MBD1: variants seen among roughly 807,000 people sequenced by gnomAD.
MBD1 encodes the protein methyl-CpG binding domain protein 1.
In MBD1, 25 loss-of-function variants were observed where a neutral mutation model predicts 82.6. The observed-to-expected ratio is 0.30, with a 90% confidence interval of 0.22 to 0.42. MBD1 has a LOEUF of 0.42. Ranked by LOEUF, MBD1 falls within the 10% of genes least tolerant of loss-of-function variation. The probability of loss-of-function intolerance (pLI) is 1.00; values close to 1 mark genes in which losing one functional copy is unlikely to be tolerated. For missense variants in MBD1, 627 were observed against 819.6 expected, an observed-to-expected ratio of 0.76 and a Z score of 2.87; for synonymous variants, 301 against 303.7, an observed-to-expected ratio of 0.99 and a Z score of 0.09.
Position 50,279,864 on chromosome 18 carries a change from C to G in MBD1, c.110+19G>C. Reference sequence around the variant, plus strand: ...AGGCTCTACCCCACTCCTGACTCTGCCCACTACCCACCCAGTACCTCTGGT... The same window carrying G: ...AGGCTCTACCCCACTCCTGACTCTGGCCACTACCCACCCAGTACCTCTGGT... On this transcript the variant is annotated intron_variant, in intron 2 of 16. Coordinates refer to ENST00000269468, the MANE Select transcript of MBD1 (RefSeq NM_015846.4). 6.2e-7 allele frequency: 1 copy of G among 1,613,766 alleles called. No individual in the cohort carries two copies. The highest frequency in any genetic ancestry group is 2.2e-5 in the East Asian group (1 of 44,880).
chr18:50,279,951 G>T lies in MBD1; in HGVS notation c.42C>A (p.Gly14=). Residue 14 remains glycine, a synonymous_variant, in exon 2 of 17, where the codon GGC becomes GGA. Transcript: ENST00000269468. Reference sequence around the variant, plus strand: ...TGCGAAAGACTTCGCGGCGCTTCCAGCCAGGGCCCAGGGCCGGGCAGTCCA... The same window carrying T: ...TGCGAAAGACTTCGCGGCGCTTCCATCCAGGGCCCAGGGCCGGGCAGTCCA... ...DWLDCPALGP[G]WKRREVFRKS... The T allele has an allele frequency of 6.2e-7, 1 of 1,612,624 alleles. No homozygotes were observed.
At chr18:50,280,084 C>G (rs2039627335) in intron 1 of MBD1, 67 bp from the exon 2 acceptor site, 1 of 1,463,198 alleles carries the variant, frequency 6.8e-7, no homozygotes, top group Non-Finnish European at 9.2e-7. Context: ...TGCCCCAGGC[C>G]ACACAAATCA....
At chr18:50,281,524 G>A, upstream of MBD1, 4 of 577,426 alleles carry the variant, frequency 6.9e-6, no homozygotes, top group Non-Finnish European at 9.2e-6. Flanking sequence ...CGTTGCTCCC[G>A]GAACCGGAAG....
intron 2 of MBD1, among the ~76,000 whole-genome samples, chr18:50,278,597 T>C (rs2038994289): frequency 1.3e-5 from 2 of 152,252 alleles, no homozygotes; most frequent in African/African-American, 2.4e-5. Context: ...GATATTTACC[T>C]GGAAAGATAG....
At chr18:50,270,488 G>C in intron 16 of MBD1, 1 of 369,794 alleles carries the variant, frequency 2.7e-6, no homozygotes, top group Non-Finnish European at 5.4e-6. Context: ...AAGCACAAAG[G>C]TGATCACAGG....
At position 50,270,576 on chromosome 18, in the gene MBD1, GGA is replaced by G. The variant is rs948171610; in HGVS notation, c.*33-760_*33-759del. ...CAAAGACTGCTCTGGCTGAAGAGGG[GGA>G]GTCAGGGTAACAAGCAAAATGGACA... On this transcript the variant is annotated intron_variant, in intron 16 of 16. Transcript: ENST00000269468. 15 of 335,796 alleles carry G rather than the reference GGA, an allele frequency of 4.5e-5. No individual in the cohort carries two copies. The East Asian group carries it at 1.0e-3, about 23-fold the overall frequency. 20.8% of individuals were successfully genotyped at this position (335,796 alleles called of 1,614,324 possible).
intron 8 of MBD1, 125 bp from the exon 9 acceptor site, chr18:50,275,370 A>G (rs1471304893): frequency 1.2e-6 from 2 of 1,611,280 alleles, no homozygotes; most frequent in Admixed American, 1.7e-5. Context: ...AGGCACTCAC[A>G]GTTGGGGGAG....
At chr18:50,277,266 C>T (rs1293348480) in intron 2 of MBD1, 62 bp from the exon 3 acceptor site, 1 of 1,340,958 alleles carries the variant, frequency 7.5e-7, no homozygotes, top group African/African-American at 1.4e-5. Flanking sequence ...ACTCATACAA[C>T]CTTTTGACAG....
At chr18:50,276,467 A>C (rs2037946094) in intron 5 of MBD1, 49 bp from the exon 6 acceptor site, 2 of 1,585,582 alleles carry the variant, frequency 1.3e-6, no homozygotes, top group Non-Finnish European at 1.7e-6. Flanking sequence ...AGCAACAGAC[A>C]TCTGACTTCA....
downstream of MBD1, chr18:50,267,548 T>C (rs2034052887): frequency 7.6e-7 from 1 of 1,320,156 alleles, no homozygotes; most frequent in African/African-American, 1.5e-5. Flanking sequence ...CAGTAACTGG[T>C]TTCTGAGAAT....
chr18:50,267,460 C>T, downstream of MBD1: 1 of 645,824 alleles, frequency 1.5e-6, no homozygotes, highest in South Asian at 1.8e-5. Flanking sequence ...ACTAGTGGGG[C>T]AGTGGCACGA....
Position 50,273,731 on chromosome 18 carries a change from T to C in MBD1, c.1279A>G (p.Thr427Ala). 1.2e-6 allele frequency: 2 copies of C among 1,614,154 alleles called. No individual in the cohort carries two copies. Among genetic ancestry groups the C allele is most frequent in the South Asian group, 1.1e-5 (1 of 91,090 alleles). ...GTATGGTCTGGTTGGGCTGTGCGTG[T>C]AGCCAAGGTGGGCTTCAAGGTAGGG... is the stretch of plus-strand genomic sequence containing the variant. ...LGPTLKPTLATRTAQPDHTQA... is the reference protein window; with the variant it reads ...LGPTLKPTLAARTAQPDHTQA... Residue 427 changes from threonine (T) to alanine (A), a missense_variant, in exon 12 of 17, where the codon ACA becomes GCA. Thr to Ala is a moderately conservative substitution (Grantham distance 58). Transcript: ENST00000269468.
At chr18:50,280,109 T>C (rs1426024333) in intron 1 of MBD1, 92 bp from the exon 2 acceptor site, 4 of 1,328,004 alleles carry the variant, frequency 3.0e-6, no homozygotes, top group Non-Finnish European at 3.1e-6. Flanking sequence ...TATCCATTAG[T>C]GCTTGCCCAA....
downstream of MBD1, among the ~76,000 whole-genome samples, chr18:50,268,400 G>A (rs2034214000): frequency 6.6e-6 from 1 of 152,246 alleles, no homozygotes; most frequent in Non-Finnish European, 1.5e-5. Flanking sequence ...CCCTGGGCGA[G>A]CTCCGAAATT....
intron 16 of MBD1, chr18:50,270,630 A>G (rs1478406543): frequency 4.6e-5 from 14 of 302,318 alleles, no homozygotes. Flanking sequence ...TATATCCTGT[A>G]GGGTTTGAGG....
chr18:50,275,372 T>C (rs751669391), intron 8 of MBD1, 127 bp from the exon 9 acceptor site: 26 of 1,610,944 alleles, frequency 1.6e-5, no homozygotes, highest in East Asian at 2.2e-5. Context: ...GCACTCACAG[T>C]TGGGGGAGCC....
downstream of MBD1, chr18:50,267,676 T>G: frequency 6.5e-7 from 1 of 1,530,968 alleles, no homozygotes; most frequent in Non-Finnish European, 8.8e-7. Context: ...AAAAGCCAAT[T>G]AAGAATGACA....
chr18:50,280,819 C>T lies in MBD1; in HGVS notation c.-26+544G>A, dbSNP rs1297966042. 3.9e-5 allele frequency among the ~76,000 whole-genome samples: 6 copies of T among 152,052 alleles called. No homozygotes were observed. The East Asian group carries it at 9.6e-4, about 24-fold the overall frequency. On this transcript the variant is annotated intron_variant, in intron 1 of 16. Transcript: ENST00000269468. ...CACTTCTCCTCCTTACTGTTCTCATCCTCCATTCCTCCCTTATCATCCAGA... is the reference window on the plus strand; with the variant it reads ...CACTTCTCCTCCTTACTGTTCTCATTCTCCATTCCTCCCTTATCATCCAGA...
intron 8 of MBD1, 36 bp downstream of exon 8, chr18:50,275,564 A>G: frequency 1.9e-6 from 3 of 1,614,116 alleles, no homozygotes; most frequent in Non-Finnish European, 8.5e-7. Flanking sequence ...CGATTTTAAC[A>G]GCAGAATGAG....
Sources: gnomAD v4.1 joint callset for allele counts (sites outside exome capture counted in the v4.1 genomes callset) on GRCh38, gnomAD v4.1.1 for gene constraint, MANE v1.5 for transcripts, NCBI Gene and HGNC (gene_info 2026-07-23, HGNC 2026-07-21) for gene names.